Variants in TTC33 observed in about 807,000 individuals in gnomAD.
TTC33 encodes tetratricopeptide repeat protein 33.
A neutral mutation model predicts 29.4 loss-of-function variants in TTC33; 24 were observed. The ratio of observed to expected loss-of-function variants is 0.82; its 90% CI spans 0.59 to 1.15. The LOEUF is 1.15. Ranked by LOEUF, TTC33 falls within the 50% of genes most tolerant of loss-of-function variation. The pLI, the probability that TTC33 is intolerant of heterozygous loss-of-function variation, is 0.00. For synonymous variants in TTC33, 107 were observed against 100.3 expected (o/e 1.07, Z -0.40); for missense variants, 286 against 310.4 (o/e 0.92, Z 0.59).
rs142977525 is a variant in TTC33, at chr5:40,752,198, G to T, written c.-2+3626C>A. On this transcript the variant is annotated intron_variant, in intron 1 of 4. Transcript: ENST00000337702. ...AGAGAGTTAGAAACTTGCTCTAAAT[G>T]AGGCTCCTGCTTAAGGGAATATTGT... is the stretch of plus-strand genomic sequence containing the variant. 4.2e-3 allele frequency among the ~76,000 whole-genome samples: 633 copies of T among 152,264 alleles called. 3 individuals are homozygous for T. Among genetic ancestry groups the T allele is most frequent in the African/African-American group, 0.015 (607 of 41,552 alleles).
chr5:40,742,493 C>G (rs1321419747), intron 2 of TTC33, among the ~76,000 whole-genome samples: 1 of 152,094 alleles, frequency 6.6e-6, no homozygotes, highest in Non-Finnish European at 1.5e-5. Context: ...CCTAATATTG[C>G]AAAGCTGGTC....
chr5:40,741,399 G>A, intron 2 of TTC33, among the ~76,000 whole-genome samples: 1 of 152,182 alleles, frequency 6.6e-6, no homozygotes, highest in Admixed American at 6.5e-5. Context: ...TCTCCGCTCT[G>A]TATGAACGCT....
Position 40,716,330 on chromosome 5 carries a change from G to T in TTC33, c.604C>A (p.Pro202Thr). Residue 202 changes from proline (P) to threonine (T), a missense_variant, in exon 5 of 5, where the codon CCA (proline) becomes ACA (threonine). By Grantham distance (38) the Pro-to-Thr change is conservative. Transcript: ENST00000337702. The part of the protein sequence containing the change: ...EVTHFSPKSI[P>T]DYDFESDEIV... ...TCATCACTTTCAAAGTCATAGTCTGGAATTGACTTTGGTGAAAAGTGTGTT... is the reference window on the plus strand; with the variant it reads ...TCATCACTTTCAAAGTCATAGTCTGTAATTGACTTTGGTGAAAAGTGTGTT... 1.2e-6 allele frequency: 2 copies of T among 1,614,160 alleles called. No homozygotes were observed. Among genetic ancestry groups the T allele is most frequent in the South Asian group, 2.2e-5 (2 of 91,084 alleles).
intron 2 of TTC33, among the ~76,000 whole-genome samples, chr5:40,740,772 C>T (rs1174850615): frequency 6.6e-6 from 1 of 152,226 alleles, no homozygotes; most frequent in Non-Finnish European, 1.5e-5. Context: ...CCCAGATTTA[C>T]TCAGTTCCCA....
At chr5:40,747,454 T>C (rs532677775) in intron 1 of TTC33, among the ~76,000 whole-genome samples, 6 of 152,274 alleles carry the variant, frequency 3.9e-5, no homozygotes, top group African/African-American at 1.4e-4. Flanking sequence ...TTAGTGGCTG[T>C]AGGCAATAAT....
rs115182725 is a variant in TTC33 at position 40,744,083 on chromosome 5, G to A, written c.221+2715C>T. Reference sequence around the variant, plus strand: ...GTTAAAAGTTAATGAACTTTTAACAGGCATTTACAGGAGTTCCTAAAGATG... The same window carrying A: ...GTTAAAAGTTAATGAACTTTTAACAAGCATTTACAGGAGTTCCTAAAGATG... On this transcript the variant is annotated intron_variant, in intron 2 of 4. Transcript: ENST00000337702. Among the ~76,000 whole-genome samples, 719 of 152,284 alleles carry A rather than the reference G, an allele frequency of 4.7e-3. 9 individuals are homozygous for A. The highest frequency in any genetic ancestry group is 0.017 in the African/African-American group (694 of 41,560).
intron 1 of TTC33, among the ~76,000 whole-genome samples, chr5:40,751,946 A>C (rs1160925859): frequency 1.4e-5 from 2 of 146,678 alleles, no homozygotes; most frequent in African/African-American, 2.5e-5. Context: ...AACAGAGTGA[A>C]ACTCCGTCTC....
chr5:40,721,293 G>A (rs1366158803), intron 4 of TTC33, among the ~76,000 whole-genome samples: 1 of 152,108 alleles, frequency 6.6e-6, no homozygotes, highest in Non-Finnish European at 1.5e-5. Flanking sequence ...AAAGTAAATG[G>A]ACAAAATCAA....
At position 40,713,611 on chromosome 5, in the gene TTC33, A is replaced by G. The variant is rs1741939966; in HGVS notation, c.*2534T>C. Reference sequence around the variant, plus strand: ...TCTATAACCAAACAGCCTGTTTTCTAGAGAATGATATATGATTCTTGTGTT... The same window carrying G: ...TCTATAACCAAACAGCCTGTTTTCTGGAGAATGATATATGATTCTTGTGTT... On this transcript the variant is annotated 3_prime_UTR_variant, in exon 5 of 5. Transcript: ENST00000337702. Among the ~76,000 whole-genome samples the G allele has an allele frequency of 6.6e-6, 1 of 152,180 alleles. No homozygotes were observed. The highest frequency in any genetic ancestry group is 2.4e-5 in the African/African-American group (1 of 41,456).
chr5:40,741,255 G>C (rs979815190), intron 2 of TTC33, among the ~76,000 whole-genome samples: 4 of 152,144 alleles, frequency 2.6e-5, no homozygotes, highest in Non-Finnish European at 5.9e-5. Context: ...AGGTTTTCTA[G>C]GGAAGGTCTG....
At chr5:40,726,296 T>C (rs899679238) in intron 4 of TTC33, among the ~76,000 whole-genome samples, 4 of 151,848 alleles carry the variant, frequency 2.6e-5, no homozygotes, top group Non-Finnish European at 5.9e-5. Flanking sequence ...CATGGAGATA[T>C]ACCCAACTAC....
At position 40,716,227 on chromosome 5, in the gene TTC33, GCAGA is replaced by G. The variant is rs1179887242; in HGVS notation, c.703_706del (p.Ser235LeufsTer5). ...AGTTACAGTCTCTATGGCCCCAGAA[GCAGA>G]CACAATAACCATTGTTTTATTTGCT... On this transcript the variant is annotated frameshift_variant, in exon 5 of 5. Coordinates refer to ENST00000337702, the MANE Select transcript of TTC33 (RefSeq NM_012382.3). LOFTEE classifies it high-confidence loss of function. The G allele has an allele frequency of 6.2e-7, 1 of 1,614,084 alleles. No individual in the cohort carries two copies. The highest frequency in any genetic ancestry group is 8.5e-7 in the Non-Finnish European group (1 of 1,180,044).
intron 4 of TTC33, among the ~76,000 whole-genome samples, chr5:40,721,719 C>A (rs1301278155): frequency 2.0e-5 from 3 of 151,786 alleles, no homozygotes; most frequent in African/African-American, 7.3e-5. Context: ...ACAGGGAAAA[C>A]CTTCATGACA....
rs1167655880 is a variant in TTC33, at chr5:40,728,425, C to T, written c.355G>A (p.Ala119Thr). 1 of 1,613,922 alleles carries T rather than the reference C, an allele frequency of 6.2e-7. No homozygotes were observed. Among genetic ancestry groups the T allele is most frequent in the Admixed American group, 1.7e-5 (1 of 59,996 alleles). ...CATGAATGTGGATTTTGCTGGACGG[C>T]CATTTCTGCTGCATGTACTGCTGGG... The part of the protein sequence containing the change: ...MFPAVHAAEM[A>T]VQQNPHSWES... Residue 119 changes from alanine to threonine, a missense_variant, in exon 4 of 5, where the codon GCC (alanine) becomes ACC (threonine). Physicochemically the swap from Ala to Thr is moderately conservative, Grantham distance 58. Coordinates refer to ENST00000337702, the MANE Select transcript of TTC33 (RefSeq NM_012382.3).
chr5:40,718,039 G>C (rs1233662884), intron 4 of TTC33, among the ~76,000 whole-genome samples: 1 of 150,510 alleles, frequency 6.6e-6, no homozygotes, highest in Non-Finnish European at 1.5e-5. Flanking sequence ...TCCAGCCTGG[G>C]CAACAAGAGC....
intron 1 of TTC33, among the ~76,000 whole-genome samples, chr5:40,753,525 A>T (rs1220758041): frequency 6.6e-6 from 1 of 152,206 alleles, no homozygotes. Flanking sequence ...CTCTCTCCCC[A>T]GGCCGATCAT....
intron 2 of TTC33, among the ~76,000 whole-genome samples, chr5:40,734,317 GA>G (rs1190508953): frequency 2.7e-5 from 2 of 75,456 alleles, no homozygotes; most frequent in African/African-American, 1.1e-4. Context: ...CTTCAGTTTG[GA>G]ACAGACTGAA....
chr5:40,748,181 G>A (rs190417508), intron 1 of TTC33, among the ~76,000 whole-genome samples: 1 of 151,898 alleles, frequency 6.6e-6, no homozygotes, highest in Admixed American at 6.6e-5. Context: ...GATATTTGAT[G>A]ATATTAAGAA....
intron 2 of TTC33, among the ~76,000 whole-genome samples, chr5:40,739,702 G>GC (rs1211261645): frequency 1.3e-5 from 2 of 152,104 alleles, no homozygotes; most frequent in African/African-American, 4.8e-5. Flanking sequence ...TTCCTATGCA[G>GC]CCCACAGAAC....
Sources: gnomAD v4.1 joint callset for allele counts (sites outside exome capture counted in the v4.1 genomes callset) on GRCh38, gnomAD v4.1.1 for gene constraint, MANE v1.5 for transcripts, NCBI Gene and HGNC (gene_info 2026-07-23, HGNC 2026-07-21) for gene names.